SMAP1: variants seen among roughly 807,000 people sequenced by gnomAD.
The protein encoded by SMAP1 is small ArfGAP 1.
Under a neutral mutation model 58.5 loss-of-function variants are expected in SMAP1, and 24 were observed. The observed-to-expected ratio is 0.41, with a 90% CI of 0.30 to 0.58. The LOEUF (loss-of-function observed/expected upper bound fraction) is 0.58, where lower values mean the gene tolerates loss of function less well. Ranked by LOEUF, SMAP1 falls within the 20% of genes least tolerant of loss-of-function variation. SMAP1 has a pLI of 0.29. For missense variants in SMAP1, 563 were observed against 566.3 expected (o/e 0.99, Z 0.06); for synonymous variants, 216 against 196.6 (o/e 1.10, Z -0.82).
intron 3 of SMAP1, among the ~76,000 whole-genome samples, chr6:70,758,141 C>T (rs539732551): frequency 6.7e-6 from 1 of 150,354 alleles, no homozygotes; most frequent in East Asian, 2.0e-4. Context: ...CAATGATAGA[C>T]TGGATTAAGA....
chr6:70,844,249 T>TAA (rs1770906405), intron 7 of SMAP1, among the ~76,000 whole-genome samples: 1 of 152,232 alleles, frequency 6.6e-6, no homozygotes, highest in South Asian at 2.1e-4. Context: ...ATTTATTTTT[T>TAA]AAACAATCAG....
intron 1 of SMAP1, among the ~76,000 whole-genome samples, chr6:70,715,070 G>A (rs912100354): frequency 2.7e-4 from 38 of 142,766 alleles, no homozygotes; most frequent in African/African-American, 9.3e-4. Flanking sequence ...ATAATGTATT[G>A]TCTCTGTGTG....
chr6:70,778,252 A>T (rs1158428753), intron 4 of SMAP1, among the ~76,000 whole-genome samples: 4 of 152,174 alleles, frequency 2.6e-5, no homozygotes, highest in Non-Finnish European at 4.4e-5. Flanking sequence ...TATGTTGAAT[A>T]AGATTGGTGA....
chr6:70,731,746 C>G (rs1765439811), intron 1 of SMAP1, among the ~76,000 whole-genome samples: 1 of 152,152 alleles, frequency 6.6e-6, no homozygotes, highest in African/African-American at 2.4e-5. Context: ...CTTTTTGAAG[C>G]AGTCCTTGTT....
At chr6:70,689,391 G>T (rs1767064321) in intron 1 of SMAP1, among the ~76,000 whole-genome samples, 1 of 152,126 alleles carries the variant, frequency 6.6e-6, no homozygotes, top group African/African-American at 2.4e-5. Context: ...GTCCAGGAGG[G>T]AGCACTTCTG....
Position 70,861,484 on chromosome 6 carries a change from T to C in SMAP1, c.*1150T>C. ...CAAAACATACATTTTGTACCAACCA[T>C]CCAATTAGCTTATGTTAACTGACAA... is the stretch of plus-strand genomic sequence containing the variant. On this transcript the variant is annotated 3_prime_UTR_variant, in exon 11 of 11. Coordinates refer to ENST00000370455, the MANE Select transcript of SMAP1 (RefSeq NM_001044305.3). 1 of 598,868 alleles carries C rather than the reference T, an allele frequency of 1.7e-6. No individual in the cohort carries two copies. 37.1% of individuals were successfully genotyped at this position (598,868 alleles called of 1,614,324 possible). A position where few individuals can be genotyped will look rare whatever the true frequency, so the allele number is the denominator to read the frequency against.
chr6:70,684,747 TAA>T (rs570312341), intron 1 of SMAP1, among the ~76,000 whole-genome samples: 1 of 152,052 alleles, frequency 6.6e-6, no homozygotes, highest in Admixed American at 6.5e-5. Flanking sequence ...TGTGATAAAG[TAA>T]AAAAAAGTAG....
At chr6:70,844,274 C>G (rs558088579) in intron 7 of SMAP1, among the ~76,000 whole-genome samples, 1 of 152,184 alleles carries the variant, frequency 6.6e-6, no homozygotes, top group African/African-American at 2.4e-5. Flanking sequence ...ACAAAGCTTC[C>G]TCCTTATACC....
Position 70,679,562 on chromosome 6 carries a change from AAG to A in SMAP1, c.118+11422_118+11423del, listed in dbSNP as rs200359113. Reference sequence around the variant, plus strand: ...TACAGAAATAAAGTGACTATAGAAAAAGTAACTCTATATACTAGCAACAAATA... The same window carrying A: ...TACAGAAATAAAGTGACTATAGAAAATAACTCTATATACTAGCAACAAATA... On this transcript the variant is annotated intron_variant, in intron 1 of 10. Transcript: ENST00000370455. 3.7e-3 allele frequency among the ~76,000 whole-genome samples: 564 copies of A among 152,342 alleles called. 6 individuals are homozygous for A. The highest frequency in any genetic ancestry group is 0.013 in the African/African-American group (531 of 41,574).
At chr6:70,789,715 ACT>A (rs1444770165) in intron 4 of SMAP1, among the ~76,000 whole-genome samples, 1 of 111,900 alleles carries the variant, frequency 8.9e-6, no homozygotes, top group African/African-American at 3.5e-5. Context: ...ACATAGAAAG[ACT>A]CTGTCTCAAA....
chr6:70,756,232 A>G (rs1766484478), intron 3 of SMAP1, among the ~76,000 whole-genome samples: 2 of 152,094 alleles, frequency 1.3e-5, no homozygotes, highest in Admixed American at 1.3e-4. Context: ...AATGTAGTTT[A>G]TTAACGATCA....
chr6:70,695,897 T>C (rs1260701295), intron 1 of SMAP1, among the ~76,000 whole-genome samples: 5 of 152,302 alleles, frequency 3.3e-5, no homozygotes, highest in African/African-American at 7.2e-5. Flanking sequence ...AGTGAAGCCA[T>C]TGGGTCCTGG....
chr6:70,747,061 C>G (rs1462094805), intron 2 of SMAP1, among the ~76,000 whole-genome samples: 2 of 151,914 alleles, frequency 1.3e-5, no homozygotes, highest in African/African-American at 4.8e-5. Context: ...ATTCACTTTC[C>G]TGCTTTGTGT....
At chr6:70,680,011 A>G (rs1391810958) in intron 1 of SMAP1, among the ~76,000 whole-genome samples, 1 of 152,230 alleles carries the variant, frequency 6.6e-6, no homozygotes, top group Non-Finnish European at 1.5e-5. Context: ...TCTGTGGAAC[A>G]TAATACGTAG....
rs139113297 is a variant in SMAP1 at position 70,775,873 on chromosome 6, G to A, written c.414+2448G>A. ...AAGTTTATATTGTAGCAGATTTAAA[G>A]GATTTTTTCCTCTTTCATGGTGATC... On this transcript the variant is annotated intron_variant, in intron 4 of 10. Transcript: ENST00000370455. Among the ~76,000 whole-genome samples, 68 of 152,194 alleles carry A rather than the reference G, an allele frequency of 4.5e-4. 1 individual carries two copies. In the East Asian group the frequency reaches 0.012, roughly 27 times the overall value.
intron 4 of SMAP1, among the ~76,000 whole-genome samples, chr6:70,788,768 A>G (rs565670018): frequency 1.4e-4 from 22 of 152,294 alleles, no homozygotes; most frequent in African/African-American, 5.3e-4. Flanking sequence ...GGTAGAGATG[A>G]CACTTGTGGC....
chr6:70,723,413 A>C (rs1000610285), intron 1 of SMAP1, among the ~76,000 whole-genome samples: 3 of 152,160 alleles, frequency 2.0e-5, no homozygotes, highest in African/African-American at 7.2e-5. Context: ...CCTTTACCTT[A>C]ATTGTGCTTA....
At chr6:70,798,627 A>C in intron 5 of SMAP1, 30 bp from the exon 6 acceptor site, 8 of 1,484,046 alleles carry the variant, frequency 5.4e-6, no homozygotes, top group Non-Finnish European at 7.2e-6. Context: ...TAAAAAAGTA[A>C]ACTTATCAAA....
intron 2 of SMAP1, among the ~76,000 whole-genome samples, chr6:70,751,111 G>C (rs1016024175): frequency 5.3e-5 from 8 of 152,084 alleles, no homozygotes; most frequent in African/African-American, 1.7e-4. Flanking sequence ...ATGGTGGCAC[G>C]CATCTGTACT....
Sources: gnomAD v4.1 joint callset for allele counts (sites outside exome capture counted in the v4.1 genomes callset) on GRCh38, gnomAD v4.1.1 for gene constraint, MANE v1.5 for transcripts, NCBI Gene and HGNC (gene_info 2026-07-23, HGNC 2026-07-21) for gene names.